Variants in ASB5 observed in about 807,000 individuals in gnomAD.
The protein encoded by ASB5 is ankyrin repeat and SOCS box containing 5.
ASB5 carries 45 observed loss-of-function variants against 42.1 expected under a neutral mutation model. The ratio of observed to expected loss-of-function variants is 1.07; its 90% confidence interval spans 0.84 to 1.37. The LOEUF (loss-of-function observed/expected upper bound fraction) is 1.37, where lower values mean the gene tolerates loss of function less well. Ranked by LOEUF, ASB5 falls within the 40% of genes most tolerant of loss-of-function variation. The probability of loss-of-function intolerance (pLI) is 0.00; values close to 1 mark genes in which losing one functional copy is unlikely to be tolerated. For missense variants in ASB5, 402 were observed against 399.8 expected (o/e 1.01, Z -0.05); for synonymous variants, 147 against 150.6 (o/e 0.98, Z 0.18).
At chr4:176,221,325 C>A in intron 4 of ASB5, 36 bp from the exon 5 acceptor site, 2 of 1,609,004 alleles carry the variant, frequency 1.2e-6, no homozygotes, top group South Asian at 1.1e-5. Context: ...AACTTAATGC[C>A]CATCCACCCC....
At chr4:176,227,287 T>G (rs2126951132) in intron 1 of ASB5, among the ~76,000 whole-genome samples, 1 of 152,292 alleles carries the variant, frequency 6.6e-6, no homozygotes, top group Admixed American at 6.5e-5. Context: ...TAAACACCAT[T>G]CAACATTACC....
At chr4:176,220,303 A>T (rs1169258255) in intron 5 of ASB5, among the ~76,000 whole-genome samples, 1 of 152,214 alleles carries the variant, frequency 6.6e-6, no homozygotes, top group Non-Finnish European at 1.5e-5. Context: ...CCTGCTTGCA[A>T]GAAGTTTCTC....
intron 2 of ASB5, among the ~76,000 whole-genome samples, chr4:176,275,088 A>G (rs528072557): frequency 2.6e-5 from 4 of 151,498 alleles, no homozygotes; most frequent in Admixed American, 2.0e-4. Flanking sequence ...CTAATTTTGT[A>G]TTTTTTAGTA....
At position 176,216,978 on chromosome 4, in the gene ASB5, A is replaced by G. The variant is rs145594817; in HGVS notation, c.702T>C (p.Asp234=). The part of the protein sequence containing the change: ...GADVQKGKYW[D]TPLHAAAQQS... ...GTTGAGCAGCAGCATGTAATGGAGTATCCCAATATTTGCCTTTCTGTACGT... is the reference window on the plus strand; with the variant it reads ...GTTGAGCAGCAGCATGTAATGGAGTGTCCCAATATTTGCCTTTCTGTACGT... Residue 234 remains aspartate, a synonymous_variant, in exon 6 of 7, where the codon GAT becomes GAC. Transcript: ENST00000296525. 12 of 1,610,596 alleles carry G rather than the reference A, an allele frequency of 7.5e-6. No individual in the cohort carries two copies. Among genetic ancestry groups the G allele is most frequent in the Non-Finnish European group, 9.3e-6 (11 of 1,179,088 alleles).
intron 1 of ASB5, among the ~76,000 whole-genome samples, chr4:176,264,440 G>A (rs147919435): frequency 6.6e-6 from 1 of 152,316 alleles, no homozygotes; most frequent in East Asian, 1.9e-4. Context: ...CTGAGGGCAA[G>A]CTGGCACATT....
chr4:176,234,328 C>T (rs11729077), intron 1 of ASB5, among the ~76,000 whole-genome samples: 3,934 of 152,256 alleles, frequency 0.026, 76 homozygotes, highest in Middle Eastern at 0.051. Context: ...GACATACTGG[C>T]CTCCTTGCTT....
At chr4:176,249,439 T>A (rs1753979183) in intron 1 of ASB5, 1 of 152,140 alleles carries the variant, frequency 6.6e-6, no homozygotes, top group African/African-American at 2.4e-5. Context: ...ACACTCCCAA[T>A]ATGAGAAGAG....
At chr4:176,215,822 T>C in intron 6 of ASB5, 95 bp from the exon 7 acceptor site, 1 of 1,233,814 alleles carries the variant, frequency 8.1e-7, no homozygotes, top group Non-Finnish European at 1.1e-6. Context: ...ACTACAATGC[T>C]TTGTAGTAAA....
Position 176,225,295 on chromosome 4 carries a change from A to T in ASB5, c.243T>A (p.Gly81=). 6.2e-7 allele frequency: 1 copy of T among 1,614,078 alleles called. No individual in the cohort carries two copies. The highest frequency in any genetic ancestry group is 8.5e-7 in the Non-Finnish European group (1 of 1,179,954). Residue 81 remains glycine (G), a synonymous_variant, in exon 2 of 7, where the codon GGT becomes GGA. Coordinates refer to ENST00000296525, the MANE Select transcript of ASB5 (RefSeq NM_080874.4). ...ATAATGTTCTCAGAGCAAGAAGGCG[A>T]CCTTGACTTGCTGCTTCATGTAGTG... ...RSPLHEAASQ[G]RLLALRTLLS... is the part of the protein sequence containing the mutation.
chr4:176,262,224 G>A (rs190844133), intron 1 of ASB5, among the ~76,000 whole-genome samples: 9 of 152,092 alleles, frequency 5.9e-5, no homozygotes, highest in East Asian at 3.9e-4. Flanking sequence ...CAATATCAAC[G>A]TCCCCTATCA....
chr4:176,257,880 A>G (rs1478813016), intron 1 of ASB5, among the ~76,000 whole-genome samples: 2 of 152,214 alleles, frequency 1.3e-5, no homozygotes, highest in Non-Finnish European at 2.9e-5. Context: ...AGCTTCAGTG[A>G]ATTGTTACAT....
upstream of ASB5, among the ~76,000 whole-genome samples, chr4:176,273,723 A>G (rs1754515870): frequency 6.6e-6 from 1 of 152,220 alleles, no homozygotes; most frequent in African/African-American, 2.4e-5. Flanking sequence ...CCCTAACTAG[A>G]AATTGCTTTA....
intron 1 of ASB5, among the ~76,000 whole-genome samples, chr4:176,257,562 G>A: frequency 6.6e-6 from 1 of 152,030 alleles, no homozygotes; most frequent in Non-Finnish European, 1.5e-5. Context: ...TGTATCAGAG[G>A]GAGTACCTGC....
intron 1 of ASB5, among the ~76,000 whole-genome samples, chr4:176,276,387 A>T (rs1754563918): frequency 6.6e-6 from 1 of 152,220 alleles, no homozygotes; most frequent in African/African-American, 2.4e-5. Flanking sequence ...TAGACATGTA[A>T]CTATATAAAG....
intron 1 of ASB5, among the ~76,000 whole-genome samples, chr4:176,258,681 T>C (rs917115004): frequency 6.6e-6 from 1 of 152,172 alleles, no homozygotes; most frequent in East Asian, 1.9e-4. Context: ...CTTAAAAACA[T>C]TGTCTTTCAA....
At chr4:176,231,738 G>A (rs1160808840) in intron 1 of ASB5, among the ~76,000 whole-genome samples, 1 of 151,880 alleles carries the variant, frequency 6.6e-6, no homozygotes, top group Non-Finnish European at 1.5e-5. Flanking sequence ...CCAGCTACTA[G>A]GGAAGTCCTG....
intron 1 of ASB5, among the ~76,000 whole-genome samples, chr4:176,252,994 T>C (rs1481538329): frequency 1.3e-5 from 2 of 152,158 alleles, no homozygotes; most frequent in Admixed American, 6.5e-5. Flanking sequence ...TGTATTAGCA[T>C]TACATTAAAG....
chr4:176,215,246 G>A lies in ASB5; in HGVS notation c.*354C>T, dbSNP rs1005687634. On this transcript the variant is annotated 3_prime_UTR_variant, in exon 7 of 7. Coordinates refer to ENST00000296525, the MANE Select transcript of ASB5 (RefSeq NM_080874.4). ...AAATTAAAAAGTTAACCCATTAGTT[G>A]AAGAACATAGACCTTTTTAAATATA... 1.3e-5 allele frequency: 2 copies of A among 156,404 alleles called. No homozygotes were observed. The highest frequency in any genetic ancestry group is 4.8e-5 in the African/African-American group (2 of 41,556). 9.7% of individuals were successfully genotyped at this position (156,404 alleles called of 1,614,324 possible). A position where few individuals can be genotyped will look rare whatever the true frequency, so the allele number is the denominator to read the frequency against.
intron 1 of ASB5, among the ~76,000 whole-genome samples, chr4:176,229,598 C>T (rs1041333132): frequency 1.3e-5 from 2 of 152,108 alleles, no homozygotes; most frequent in Non-Finnish European, 2.9e-5. Context: ...CTGTTTCCCC[C>T]CAGGCTGTCG....
Sources: gnomAD v4.1 joint callset for allele counts (sites outside exome capture counted in the v4.1 genomes callset) on GRCh38, gnomAD v4.1.1 for gene constraint, MANE v1.5 for transcripts, NCBI Gene and HGNC (gene_info 2026-07-23, HGNC 2026-07-21) for gene names.